Variants in COLEC11 observed in about 807,000 individuals in gnomAD.
COLEC11 encodes the protein collectin subfamily member 11.
COLEC11 carries 20 observed loss-of-function variants against 27.3 expected under a neutral mutation model. The observed-to-expected ratio is 0.73, with a 90% confidence interval of 0.51 to 1.06. COLEC11 has a LOEUF of 1.06. COLEC11 is among the 50% of genes least tolerant of loss of function. The pLI is 0.00. For synonymous variants in COLEC11, 163 were observed against 154.7 expected (o/e 1.05, Z -0.40); for missense variants, 310 against 383.0 (o/e 0.81, Z 1.59).
rs536895363 is a variant in COLEC11, at chr2:3,620,920, G to T, written c.202+7538G>T. 4.6e-5 allele frequency among the ~76,000 whole-genome samples: 7 copies of T among 152,290 alleles called. No individual in the cohort carries two copies. In the East Asian group the frequency reaches 1.2e-3, roughly 25 times the overall value. On this transcript the variant is annotated intron_variant, in intron 3 of 6. Transcript: ENST00000349077. ...CGCTTGATATGATTTCAGTCTCCTT[G>T]AATTTGTTAAGACTTGTTTTGTGGC...
chr2:3,641,153 G>T, intron 5 of COLEC11: 1 of 1,198,902 alleles, frequency 8.3e-7, no homozygotes, highest in Non-Finnish European at 1.1e-6. Context: ...CCATTCGGAA[G>T]GTGCTTTCCG....
chr2:3,641,972 C>T (rs999265632), intron 5 of COLEC11, among the ~76,000 whole-genome samples: 4 of 152,198 alleles, frequency 2.6e-5, no homozygotes, highest in African/African-American at 9.6e-5. Flanking sequence ...CCACGGGGAG[C>T]CCCGGCACCA....
chr2:3,613,832 A>G (rs1378150810), intron 3 of COLEC11, among the ~76,000 whole-genome samples: 1 of 152,204 alleles, frequency 6.6e-6, no homozygotes, highest in Non-Finnish European at 1.5e-5. Flanking sequence ...CATGGGAGCT[A>G]GATCATACGT....
intron 5 of COLEC11, among the ~76,000 whole-genome samples, chr2:3,642,138 G>A (rs1032014803): frequency 1.3e-5 from 2 of 152,208 alleles, no homozygotes; most frequent in Admixed American, 6.5e-5. Flanking sequence ...GGACAGCTGC[G>A]TGTTCTGGAC....
intron 2 of COLEC11, among the ~76,000 whole-genome samples, chr2:3,606,844 C>A (rs1399801456): frequency 6.6e-6 from 1 of 152,184 alleles, no homozygotes; most frequent in African/African-American, 2.4e-5. Flanking sequence ...GTGCCGTAGC[C>A]CCCCAGGGTC....
Position 3,629,935 on chromosome 2 carries a change from C to T in COLEC11, c.203-7598C>T, listed in dbSNP as rs192659919. On this transcript the variant is annotated intron_variant, in intron 3 of 6. Transcript: ENST00000349077. ...GTGTATATGGGCATGTTTATATGTA[C>T]ATATATACGATGTGCAGTTACATGC... Among the ~76,000 whole-genome samples, 19 of 152,224 alleles carry T rather than the reference C, an allele frequency of 1.2e-4. No individual in the cohort carries two copies. In the East Asian group the frequency reaches 3.1e-3, roughly 25 times the overall value.
In COLEC11 at chr2:3,616,753, AGAGAGGGAGAGGGAGACCGTGGG is replaced by A. The variant is rs1482663599; in HGVS notation, c.202+3412_202+3434del. ...CAGCATCAAGAGGGAGATCGTGGAA[AGAGAGGGAGAGGGAGACCGTGGG>A]GAGAGGGAGAGGGAGACCGTGGGGA... is the stretch of plus-strand genomic sequence containing the variant. On this transcript the variant is annotated intron_variant, in intron 3 of 6. Coordinates refer to ENST00000349077, the MANE Select transcript of COLEC11 (RefSeq NM_024027.5). Among the ~76,000 whole-genome samples the A allele has an allele frequency of 5.7e-3, 845 of 149,440 alleles. 7 individuals are homozygous for A. Among genetic ancestry groups the A allele is most frequent in the African/African-American group, 0.02 (777 of 39,150 alleles).
chr2:3,633,778 C>T (rs13383642), intron 3 of COLEC11, among the ~76,000 whole-genome samples: 12,547 of 151,912 alleles, frequency 0.083, 1,730 homozygotes, highest in African/African-American at 0.29. Context: ...ACAGAAGGCC[C>T]GAGGAAGATG....
At chr2:3,639,513 T>C (rs1665690089) in intron 4 of COLEC11, among the ~76,000 whole-genome samples, 1 of 152,230 alleles carries the variant, frequency 6.6e-6, no homozygotes, top group Admixed American at 6.5e-5. Flanking sequence ...TCCCTCCTTA[T>C]GCGAATGGAA....
chr2:3,601,865 C>G (rs116252400), intron 1 of COLEC11: 1 of 152,200 alleles, frequency 6.6e-6, no homozygotes, highest in Non-Finnish European at 1.5e-5. Context: ...GCCGTCTCCA[C>G]GTCATCTTTT....
At chr2:3,634,231 G>A (rs779605380) in intron 3 of COLEC11, among the ~76,000 whole-genome samples, 1 of 152,224 alleles carries the variant, frequency 6.6e-6, no homozygotes, top group Non-Finnish European at 1.5e-5. Context: ...ACACTCCAGG[G>A]TACGTCCTGG....
intron 1 of COLEC11, among the ~76,000 whole-genome samples, chr2:3,596,305 T>A (rs1282786945): frequency 6.6e-6 from 1 of 151,730 alleles, no homozygotes; most frequent in Non-Finnish European, 1.5e-5. Context: ...GTTTGGCAAC[T>A]GAAGCCATGA....
chr2:3,639,885 G>A (rs569552153), intron 4 of COLEC11, among the ~76,000 whole-genome samples: 21 of 152,330 alleles, frequency 1.4e-4, no homozygotes, highest in East Asian at 5.8e-4. Context: ...TCAGGCCTGC[G>A]TGGCGCTCCC....
intron 3 of COLEC11, among the ~76,000 whole-genome samples, chr2:3,635,498 C>T (rs1345661313): frequency 6.6e-6 from 1 of 152,224 alleles, no homozygotes; most frequent in Non-Finnish European, 1.5e-5. Flanking sequence ...ACCACACCCT[C>T]TCCGATGCTT....
At chr2:3,624,421 C>T (rs1439539385) in intron 3 of COLEC11, among the ~76,000 whole-genome samples, 1 of 152,206 alleles carries the variant, frequency 6.6e-6, no homozygotes, top group Non-Finnish European at 1.5e-5. Flanking sequence ...TCCTAGCTCC[C>T]AGTCTCTCCC....
intron 1 of COLEC11, among the ~76,000 whole-genome samples, chr2:3,603,082 C>T (rs755836970): frequency 5.9e-5 from 9 of 152,220 alleles, no homozygotes; most frequent in South Asian, 2.1e-4. Context: ...AGGAAGTATC[C>T]GGAAGCATGG....
intron 1 of COLEC11, among the ~76,000 whole-genome samples, chr2:3,598,799 G>A (rs115979983): frequency 0.017 from 2,588 of 152,184 alleles, 55 homozygotes; most frequent in African/African-American, 0.045. Context: ...GCCCAGCTGC[G>A]TGGCCTGGTG....
rs60222284 is a variant in COLEC11 at position 3,625,625 on chromosome 2, C to CTTTTTTTTTTTTTTTTTTTTTTT, written c.203-11889_203-11888insTTTTTTTTTTTTTTTTTTTTTTT. ...GGAAAGTTTCTTTTCTTCTTTTTTA[C>CTTTTTTTTTTTTTTTTTTTTTTT]TTTTTTTTTTTTTTTTTTTGAGACA... is the stretch of plus-strand genomic sequence containing the variant. On this transcript the variant is annotated intron_variant, in intron 3 of 6. Coordinates refer to ENST00000349077, the MANE Select transcript of COLEC11 (RefSeq NM_024027.5). Among the ~76,000 whole-genome samples, 48 of 91,452 alleles carry CTTTTTTTTTTTTTTTTTTTTTTT rather than the reference C, an allele frequency of 5.2e-4. 3 individuals carry two copies. Among genetic ancestry groups the CTTTTTTTTTTTTTTTTTTTTTTT allele is most frequent in the South Asian group, 1.4e-3 (3 of 2,174 alleles). 60.0% of individuals were successfully genotyped at this position (91,452 alleles called of 152,430 possible). A position where few individuals can be genotyped will look rare whatever the true frequency, so the allele number is the denominator to read the frequency against.
intron 3 of COLEC11, among the ~76,000 whole-genome samples, chr2:3,630,864 T>C (rs1664945904): frequency 6.6e-6 from 1 of 152,226 alleles, no homozygotes; most frequent in African/African-American, 2.4e-5. Flanking sequence ...TTTGCTTTCC[T>C]GGACCACTTC....
Sources: gnomAD v4.1 joint callset for allele counts (sites outside exome capture counted in the v4.1 genomes callset) on GRCh38, gnomAD v4.1.1 for gene constraint, MANE v1.5 for transcripts, NCBI Gene and HGNC (gene_info 2026-07-23, HGNC 2026-07-21) for gene names.